SUMF1: variants seen among roughly 807,000 people sequenced by gnomAD.
SUMF1 encodes the protein formylglycine-generating enzyme.
SUMF1 carries 48 observed loss-of-function variants against 47.6 expected under a neutral mutation model. The observed-to-expected ratio is 1.01, with a 90% CI of 0.80 to 1.28. SUMF1 has a LOEUF of 1.28. Among genes scored for constraint, SUMF1 ranks in the 50% most tolerant of loss-of-function variants. The pLI is 0.00. For synonymous variants in SUMF1, 230 were observed against 192.1 expected (o/e 1.20, Z -1.63); for missense variants, 571 against 485.4 (o/e 1.18, Z -1.66).
At chr3:4,364,120 G>A (rs1277161045) in intron 8 of SUMF1, among the ~76,000 whole-genome samples, 2 of 139,368 alleles carry the variant, frequency 1.4e-5, no homozygotes, top group Non-Finnish European at 3.1e-5. Flanking sequence ...GCTGGATTCG[G>A]TTTGCCAGTA....
At position 4,069,622 on chromosome 3, in the gene SUMF1, G is replaced by A. The variant is rs144007252; in HGVS notation, c.1015-877C>T. Among the ~76,000 whole-genome samples the A allele has an allele frequency of 1.4e-3, 213 of 152,158 alleles. 1 individual carries two copies. The highest frequency in any genetic ancestry group is 6.7e-3 in the Admixed American group (102 of 15,280). On this transcript the variant is annotated intron_variant and NMD_transcript_variant, in intron 8 of 12. Transcript: ENST00000448413. ...TTTAAAGGGAGTGTGAGGTGAGTGT[G>A]TTATGAATATAACTTGAGAACTAAG...
intron 9 of SUMF1, among the ~76,000 whole-genome samples, chr3:4,042,159 C>T (rs1414380973): frequency 2.0e-5 from 3 of 152,086 alleles, no homozygotes; most frequent in Non-Finnish European, 4.4e-5. Context: ...ATCTTGACTA[C>T]TCTAAAGACT....
At chr3:4,228,912 G>A (rs1164763436) in intron 8 of SUMF1, among the ~76,000 whole-genome samples, 1 of 152,036 alleles carries the variant, frequency 6.6e-6, no homozygotes, top group African/African-American at 2.4e-5. Flanking sequence ...TACAGAAATT[G>A]AAGCTCAAAA....
chr3:4,241,565 G>C (rs546157232), intron 8 of SUMF1, among the ~76,000 whole-genome samples: 1 of 152,230 alleles, frequency 6.6e-6, no homozygotes, highest in South Asian at 2.1e-4. Context: ...TCATATATAT[G>C]AGAGCTAAGA....
At chr3:4,042,807 A>T (rs771099207) in intron 9 of SUMF1, among the ~76,000 whole-genome samples, 11 of 152,048 alleles carry the variant, frequency 7.2e-5, no homozygotes, top group Non-Finnish European at 1.6e-4. Context: ...CTATTTATTG[A>T]TGGGTTGCGG....
chr3:4,178,630 C>A (rs931331421), intron 8 of SUMF1, among the ~76,000 whole-genome samples: 47 of 152,252 alleles, frequency 3.1e-4, no homozygotes, highest in Admixed American at 2.7e-3. Context: ...AAAACTGGCA[C>A]AAGACAGGGC....
chr3:4,071,429 G>C (rs74283044), intron 8 of SUMF1, among the ~76,000 whole-genome samples: 14,205 of 152,174 alleles, frequency 0.093, 1,314 homozygotes, highest in African/African-American at 0.21. Flanking sequence ...AGGAGGAACA[G>C]TACACTCCTG....
chr3:4,398,132 T>G (rs1701095037), intron 7 of SUMF1, among the ~76,000 whole-genome samples: 1 of 152,166 alleles, frequency 6.6e-6, no homozygotes, highest in South Asian at 2.1e-4. Flanking sequence ...CATCATGCTA[T>G]ACTTCCTCCT....
intron 9 of SUMF1, among the ~76,000 whole-genome samples, chr3:4,062,923 T>C (rs1312969458): frequency 6.6e-6 from 1 of 152,168 alleles, no homozygotes; most frequent in Non-Finnish European, 1.5e-5. Context: ...CTGGATGGCC[T>C]GCTTGATGGC....
At chr3:4,293,752 T>C in intron 8 of SUMF1, among the ~76,000 whole-genome samples, 1 of 152,194 alleles carries the variant, frequency 6.6e-6, no homozygotes, top group East Asian at 1.9e-4. Context: ...AATGTGATTA[T>C]ATTTTCAAAG....
intron 8 of SUMF1, among the ~76,000 whole-genome samples, chr3:4,305,573 G>A (rs1011633170): frequency 3.9e-5 from 6 of 152,186 alleles, no homozygotes; most frequent in African/African-American, 1.4e-4. Context: ...TTTCCCACAA[G>A]AGACAACCCT....
rs556572136 is a variant in SUMF1, at chr3:4,210,335, T to C, written c.1015-141590A>G. Reference sequence around the variant, plus strand: ...AACACAGATGACCTAGAAAAGCCAATACAATCTTGAAAAAGAACAAAACTT... The same window carrying C: ...AACACAGATGACCTAGAAAAGCCAACACAATCTTGAAAAAGAACAAAACTT... On this transcript the variant is annotated intron_variant and NMD_transcript_variant, in intron 8 of 12. Transcript: ENST00000448413. Among the ~76,000 whole-genome samples, 109 of 152,174 alleles carry C rather than the reference T, an allele frequency of 7.2e-4. No individual in the cohort carries two copies. In the Middle Eastern group the frequency reaches 0.01, roughly 14 times the overall value.
intron 8 of SUMF1, among the ~76,000 whole-genome samples, 168 bp downstream of exon 8, chr3:4,376,162 A>G (rs1300560255): frequency 1.3e-5 from 2 of 152,328 alleles, no homozygotes; most frequent in South Asian, 4.1e-4. Flanking sequence ...ACTTTTCTCC[A>G]TGCTTGTAAC....
rs1428465959 is a variant in SUMF1, at chr3:4,255,761, G to A, written c.1014+120569C>T. Among the ~76,000 whole-genome samples, 475 of 120,248 alleles carry A rather than the reference G, an allele frequency of 4.0e-3. 1 individual carries two copies. The highest frequency in any genetic ancestry group is 0.014 in the African/African-American group (393 of 28,316). 78.9% of individuals were successfully genotyped at this position (120,248 alleles called of 152,430 possible). On this transcript the variant is annotated intron_variant and NMD_transcript_variant, in intron 8 of 12. Coordinates refer to the SUMF1 transcript ENST00000448413. ...AATTGAACTCAGCTCTGCACCAAGC[G>A]GACCTAATAGACATCTACAGAACTC...
intron 8 of SUMF1, among the ~76,000 whole-genome samples, chr3:4,078,688 T>C (rs977709768): frequency 6.6e-6 from 1 of 151,242 alleles, no homozygotes; most frequent in Non-Finnish European, 1.5e-5. Context: ...AGGCCAAGAG[T>C]TCAAGTCCAA....
intron 8 of SUMF1, among the ~76,000 whole-genome samples, chr3:4,252,088 C>T (rs1696815058): frequency 6.6e-6 from 1 of 152,140 alleles, no homozygotes; most frequent in Non-Finnish European, 1.5e-5. Context: ...ATCTTAATTT[C>T]CTCATGGTCC....
chr3:4,364,943 T>A (rs2125185425), intron 8 of SUMF1, among the ~76,000 whole-genome samples: 1 of 151,954 alleles, frequency 6.6e-6, no homozygotes, highest in South Asian at 2.1e-4. Flanking sequence ...CTTGTTGGTT[T>A]CAAAGAACAT....
In SUMF1 at chr3:4,236,974, T is replaced by C. The variant is rs78381886; in HGVS notation, c.1014+139356A>G. Among the ~76,000 whole-genome samples the C allele has an allele frequency of 5.8e-3, 889 of 152,294 alleles. 10 individuals are homozygous for C. The highest frequency in any genetic ancestry group is 0.02 in the African/African-American group (845 of 41,566). ...TACTTTTCCCTTTTCCAGAATGTCA[T>C]ATAATAGAAATTATACTGTATATAC... On this transcript the variant is annotated intron_variant and NMD_transcript_variant, in intron 8 of 12. Transcript: ENST00000448413.
intron 8 of SUMF1, among the ~76,000 whole-genome samples, chr3:4,310,125 A>T (rs1210570937): frequency 6.6e-6 from 1 of 152,224 alleles, no homozygotes; most frequent in Non-Finnish European, 1.5e-5. Flanking sequence ...CTGTATTCTA[A>T]TCTTACAGGA....
Sources: allele counts gnomAD v4.1 joint callset (sites outside exome capture counted in the v4.1 genomes callset), GRCh38; gene constraint gnomAD v4.1.1; transcripts MANE v1.5; gene names NCBI Gene and HGNC (gene_info 2026-07-23, HGNC 2026-07-21).